LARP1B: variants seen among roughly 807,000 people sequenced by gnomAD.
The protein encoded by LARP1B is La ribonucleoprotein 1B, also known as la-related protein 1B.
LARP1B carries 76 observed loss-of-function variants against 114.2 expected under a neutral mutation model. That is an observed-to-expected ratio of 0.67 (90% confidence interval 0.55 to 0.81). LARP1B has a LOEUF of 0.81. Ranked by LOEUF, LARP1B falls within the 30% of genes least tolerant of loss-of-function variation. The pLI is 0.00. For synonymous variants in LARP1B, 345 were observed against 348.0 expected (o/e 0.99, Z 0.10); for missense variants, 1,014 against 1,075.8 (o/e 0.94, Z 0.80).
In LARP1B at chr4:128,211,005, T is replaced by A; in HGVS notation, c.*952T>A. On this transcript the variant is annotated 3_prime_UTR_variant, in exon 20 of 20. Transcript: ENST00000326639. ...TTTACCTTTTTGTTTATTTTTTGTT[T>A]AATTTTGTTTTTATAAATGTTTTCA... The A allele has an allele frequency of 1.1e-6, 1 of 920,580 alleles. No homozygotes were observed. Among genetic ancestry groups the A allele is most frequent in the Non-Finnish European group, 1.3e-6 (1 of 771,064 alleles). The allele number at this position is 920,580 out of a possible 1,614,324, so 57.0% of individuals were successfully genotyped here. A position where few individuals can be genotyped will look rare whatever the true frequency, so the allele number is the denominator to read the frequency against.
rs557507674 is a variant in LARP1B, at chr4:128,130,634, G to C, written c.1524+8446G>C. The stretch of plus-strand genomic sequence containing the variant: ...CTTTGGAAGGTAGTTTGACAATTTC[G>C]TATAAAACTGAACTAAACTAAACTC... On this transcript the variant is annotated intron_variant, in intron 11 of 19. Coordinates refer to ENST00000326639, the MANE Select transcript of LARP1B (RefSeq NM_018078.4). Among the ~76,000 whole-genome samples the C allele has an allele frequency of 6.6e-5, 10 of 152,262 alleles. No individual in the cohort carries two copies. The South Asian group carries it at 1.9e-3, about 28-fold the overall frequency.
chr4:128,181,913 C>T (rs1748570367), intron 15 of LARP1B, among the ~76,000 whole-genome samples: 1 of 148,734 alleles, frequency 6.7e-6, no homozygotes, highest in South Asian at 2.1e-4. Context: ...TCACGCCATT[C>T]TCCTGCCTCA....
At chr4:128,134,432 T>G (rs1792605889) in intron 11 of LARP1B, among the ~76,000 whole-genome samples, 1 of 152,172 alleles carries the variant, frequency 6.6e-6, no homozygotes, top group South Asian at 2.1e-4. Context: ...CCTTATACCA[T>G]AAATGAAGAT....
rs774394925 is a variant in LARP1B at position 128,199,405 on chromosome 4, C to T, written c.2004-34C>T. The T allele has an allele frequency of 4.1e-6, 6 of 1,459,006 alleles. No individual in the cohort carries two copies. The African/African-American group carries it at 7.1e-5, about 17-fold the overall frequency. The allele number at this position is 1,459,006 out of a possible 1,614,324, so 90.4% of individuals were successfully genotyped here. Reference sequence around the variant, plus strand: ...TTCATATACTTGGTTCTTGATTTTTCATTTTGAAGGCTTTTTTCCCCTTTC... The same window carrying T: ...TTCATATACTTGGTTCTTGATTTTTTATTTTGAAGGCTTTTTTCCCCTTTC... On this transcript the variant is annotated intron_variant, in intron 15 of 19. Coordinates refer to ENST00000326639, the MANE Select transcript of LARP1B (RefSeq NM_018078.4).
chr4:128,201,402 C>T, intron 17 of LARP1B, among the ~76,000 whole-genome samples: 1 of 152,204 alleles, frequency 6.6e-6, no homozygotes, highest in East Asian at 1.9e-4. Context: ...TGTACATATA[C>T]ATACCCCAAT....
intron 8 of LARP1B, among the ~76,000 whole-genome samples, chr4:128,101,458 T>A (rs892401355): frequency 3.9e-5 from 6 of 152,072 alleles, no homozygotes; most frequent in African/African-American, 1.4e-4. Flanking sequence ...AATTAATGAT[T>A]CTTGGTTTCA....
intron 15 of LARP1B, among the ~76,000 whole-genome samples, chr4:128,185,304 A>G (rs946716076): frequency 1.3e-5 from 2 of 152,136 alleles, no homozygotes; most frequent in African/African-American, 2.4e-5. Context: ...TGGTGTGTGA[A>G]GCATTCTCCT....
chr4:128,162,110 AT>A (rs1561456036), intron 11 of LARP1B, 83 bp from the exon 12 acceptor site: 5 of 1,317,896 alleles, frequency 3.8e-6, no homozygotes, highest in African/African-American at 1.5e-5. Flanking sequence ...TTAGAAGTTC[AT>A]TTTTTTGAGG....
At position 128,151,634 on chromosome 4, in the gene LARP1B, G is replaced by A. The variant is rs76564579; in HGVS notation, c.1525-10560G>A. Among the ~76,000 whole-genome samples the A allele has an allele frequency of 5.5e-3, 836 of 151,532 alleles. 2 individuals are homozygous for A. Among genetic ancestry groups the A allele is most frequent in the Non-Finnish European group, 7.5e-3 (511 of 67,904 alleles). On this transcript the variant is annotated intron_variant, in intron 11 of 19. Coordinates refer to ENST00000326639, the MANE Select transcript of LARP1B (RefSeq NM_018078.4). ...TTTTTTTTTTTTAAGGTGGAGTCTC[G>A]CTCTGTCACCCAGGCTGGAGTGCAA...
At chr4:128,152,178 T>A (rs1733099020) in intron 11 of LARP1B, among the ~76,000 whole-genome samples, 1 of 151,824 alleles carries the variant, frequency 6.6e-6, no homozygotes, top group African/African-American at 2.4e-5. Flanking sequence ...TTTGCTTGAA[T>A]CAGCTATTAT....
chr4:128,222,466 C>G (rs1260422047), exon 8 of LARP1B: 2 of 424,168 alleles, frequency 4.7e-6, no homozygotes, highest in African/African-American at 4.0e-5. Flanking sequence ...GCCGCCCCAC[C>G]CCACATCAAT....
intron 12 of LARP1B, among the ~76,000 whole-genome samples, chr4:128,172,077 A>T (rs1743962142): frequency 6.6e-6 from 1 of 152,078 alleles, no homozygotes; most frequent in Non-Finnish European, 1.5e-5. Flanking sequence ...CTCAAAAAAA[A>T]TTTTTAGCCC....
Position 128,098,341 on chromosome 4 carries a change from A to T in LARP1B, c.813+11A>T. On this transcript the variant is annotated intron_variant, in intron 8 of 19. Transcript: ENST00000326639. ...AATCTCATCTTAGAGGTAATTGCTC[A>T]TTTGATGAACAATTTGTACTTTCTG... The T allele has an allele frequency of 6.3e-7, 1 of 1,594,578 alleles. No homozygotes were observed. Among genetic ancestry groups the T allele is most frequent in the Non-Finnish European group, 8.6e-7 (1 of 1,168,394 alleles).
rs1184888619 is a variant in LARP1B, at chr4:128,098,267, T to G, written c.750T>G (p.Ile250Met). ...GKMDEQGFLP[I>M]SLIAGFQRVQ... ...TGGATGAACAAGGTTTCTTGCCTATTTCCCTGATTGCTGGTTTTCAGCGTG... is the reference window on the plus strand; with the variant it reads ...TGGATGAACAAGGTTTCTTGCCTATGTCCCTGATTGCTGGTTTTCAGCGTG... Residue 250 changes from isoleucine (I) to methionine (M), a missense_variant, in exon 8 of 20, where the codon ATT (isoleucine) becomes ATG (methionine). Transcript: ENST00000326639. 3 of 1,613,998 alleles carry G rather than the reference T, an allele frequency of 1.9e-6. No individual in the cohort carries two copies. The highest frequency in any genetic ancestry group is 2.5e-6 in the Non-Finnish European group (3 of 1,179,900).
chr4:128,155,824 G>C, intron 11 of LARP1B: 2 of 1,582,360 alleles, frequency 1.3e-6, no homozygotes, highest in Non-Finnish European at 8.7e-7. Context: ...TGAGAAATCA[G>C]GGCTGCAGCG....
intron 11 of LARP1B, among the ~76,000 whole-genome samples, chr4:128,140,014 T>C (rs1006671050): frequency 1.4e-4 from 22 of 152,156 alleles, no homozygotes; most frequent in African/African-American, 5.3e-4. Flanking sequence ...CTAGTCCAAA[T>C]AGGATGTGTT....
intron 7 of LARP1B, chr4:128,092,659 T>G: frequency 2.3e-6 from 1 of 431,906 alleles, no homozygotes. Context: ...ACTCTGTTAC[T>G]AGAAAATTTC....
intron 4 of LARP1B, among the ~76,000 whole-genome samples, chr4:128,081,860 G>A (rs934534129): frequency 1.3e-5 from 2 of 152,170 alleles, no homozygotes; most frequent in Non-Finnish European, 2.9e-5. Context: ...TCAGCCTCCC[G>A]AGTAGCTGGG....
intron 1 of LARP1B, 187 bp downstream of exon 1, chr4:128,061,588 T>G (rs1760127810): frequency 1.1e-4 from 77 of 679,410 alleles, no homozygotes; most frequent in South Asian, 2.0e-4. Context: ...GGCTCTCGGG[T>G]TGTCTGTCCC....
Sources: allele counts gnomAD v4.1 joint callset (sites outside exome capture counted in the v4.1 genomes callset), GRCh38; gene constraint gnomAD v4.1.1; transcripts MANE v1.5; gene names NCBI Gene and HGNC (gene_info 2026-07-23, HGNC 2026-07-21).